Variants in KIF15 observed in about 807,000 individuals in gnomAD.
KIF15 encodes the protein kinesin family member 15.
A neutral mutation model predicts 190.6 loss-of-function variants in KIF15; 140 were observed. That is an observed-to-expected ratio of 0.73 (90% CI 0.64 to 0.84). The LOEUF is 0.84. KIF15 is among the 40% of genes least tolerant of loss of function. The pLI is 0.00. For synonymous variants in KIF15, 528 were observed against 551.3 expected, an observed-to-expected ratio of 0.96 and a Z score of 0.59; for missense variants, 1,372 against 1,584.4, an observed-to-expected ratio of 0.87 and a Z score of 2.28.
chr3:44,839,918 A>G (rs1017586450), intron 27 of KIF15, among the ~76,000 whole-genome samples: 1 of 152,140 alleles, frequency 6.6e-6, no homozygotes, highest in African/African-American at 2.4e-5. Flanking sequence ...TTCTTTACCC[A>G]TTCTCCCATC....
intron 7 of KIF15, among the ~76,000 whole-genome samples, chr3:44,792,730 C>T (rs749912178): frequency 3.3e-5 from 5 of 151,682 alleles, no homozygotes; most frequent in Admixed American, 1.3e-4. Context: ...ATATTTTTAG[C>T]GGAGACGGGG....
chr3:44,829,709 A>G (rs941946146), intron 24 of KIF15, among the ~76,000 whole-genome samples: 1 of 135,644 alleles, frequency 7.4e-6, no homozygotes, highest in Non-Finnish European at 1.5e-5. Flanking sequence ...TATATTATAG[A>G]TGTATATATA....
In KIF15 at chr3:44,828,268, A is replaced by G. The variant is rs371462063; in HGVS notation, c.2911A>G (p.Ser971Gly). ...CTTGCTTGCTACTGAAAAAGTGATC[A>G]GTTCCCTGGAAAAGTCTAGAGATTC... is the stretch of plus-strand genomic sequence containing the variant. Reference protein sequence around the residue: ...ESLLATEKVISSLEKSRDSDK... With the variant: ...ESLLATEKVIGSLEKSRDSDK... Residue 971 changes from serine (S) to glycine (G), a missense_variant, in exon 24 of 35, where the codon AGT (serine) becomes GGT (glycine). Physicochemically the swap from Ser to Gly is moderately conservative, Grantham distance 56. Transcript: ENST00000326047. 6.2e-7 allele frequency: 1 copy of G among 1,613,544 alleles called. No individual in the cohort carries two copies.
At chr3:44,762,270 G>C (rs1575563689) in intron 1 of KIF15, among the ~76,000 whole-genome samples, 1 of 152,254 alleles carries the variant, frequency 6.6e-6, no homozygotes, top group East Asian at 1.9e-4. Context: ...CAGCTTCTGC[G>C]TATTTCTACA....
chr3:44,856,048 T>A (rs1264402486), downstream of KIF15, among the ~76,000 whole-genome samples: 1 of 152,138 alleles, frequency 6.6e-6, no homozygotes, highest in Non-Finnish European at 1.5e-5. Flanking sequence ...CCTGAGAAAC[T>A]GCTTGGGTGA....
rs913154076 is a variant in KIF15, at chr3:44,805,044, C to G, written c.1705C>G (p.Pro569Ala). 4 of 1,610,928 alleles carry G rather than the reference C, an allele frequency of 2.5e-6. No individual in the cohort carries two copies. The highest frequency in any genetic ancestry group is 3.4e-6 in the Non-Finnish European group (4 of 1,179,140). Reference sequence around the variant, plus strand: ...ATTAACAGATCAGCAAGGATTTTCACCTAAAGCTCAGAAAGAGCCATGTTT... The same window carrying G: ...ATTAACAGATCAGCAAGGATTTTCAGCTAAAGCTCAGAAAGAGCCATGTTT... ...KSDKNQQGFS[P>A]KAQKEPCLFA... Residue 569 changes from proline (P) to alanine (A), a missense_variant, in exon 15 of 35, where the codon CCT becomes GCT. Physicochemically the swap from Pro to Ala is conservative, Grantham distance 27 (BLOSUM62 -1). Transcript: ENST00000326047.
At chr3:44,851,554 G>A (rs114912681) in intron 32 of KIF15, among the ~76,000 whole-genome samples, 2,826 of 152,214 alleles carry the variant, frequency 0.019, 75 homozygotes, top group African/African-American at 0.063. Context: ...TTTTTGTTTA[G>A]AAAATGTTTT....
intron 31 of KIF15, 132 bp from the exon 32 acceptor site, chr3:44,848,389 C>A: frequency 1.7e-6 from 1 of 581,574 alleles, no homozygotes. Flanking sequence ...GTAGCTGGCA[C>A]TGTGGAAAAG....
intron 6 of KIF15, among the ~76,000 whole-genome samples, chr3:44,864,522 A>G (rs1274048491): frequency 6.6e-6 from 1 of 152,062 alleles, no homozygotes; most frequent in African/African-American, 2.4e-5. Flanking sequence ...CTAATCATGG[A>G]AGAATTCTTA....
intron 22 of KIF15, among the ~76,000 whole-genome samples, chr3:44,826,782 T>C (rs913287467): frequency 2.6e-5 from 4 of 152,274 alleles, no homozygotes; most frequent in East Asian, 1.9e-4. Context: ...AGGAGACAGA[T>C]TTTTATTTCT....
In KIF15 at chr3:44,841,141, T is replaced by C. The variant is rs763504194; in HGVS notation, c.3488T>C (p.Ile1163Thr). 6 of 1,613,346 alleles carry C rather than the reference T, an allele frequency of 3.7e-6. No individual in the cohort carries two copies. Among genetic ancestry groups the C allele is most frequent in the South Asian group, 3.3e-5 (3 of 91,062 alleles). ...CTCCTGGAAACACAAGAACAAGAGA[T>C]AGAAGATGGAAGAGCCTCTAAGACT... ...AKLLETQEQE[I>T]EDGRASKTSL... Residue 1163 changes from isoleucine (I) to threonine (T), a missense_variant, in exon 29 of 35, where the codon ATA becomes ACA. By Grantham distance (89) the Ile-to-Thr change is moderately conservative. Coordinates refer to ENST00000326047, the MANE Select transcript of KIF15 (RefSeq NM_020242.3).
rs948518476 is a variant in KIF15, at chr3:44,861,448, C to T, written c.*59+8654C>T. The stretch of plus-strand genomic sequence containing the variant: ...CCCCATATGGGGCTCTGGCGTCTTT[C>T]TGGGTCTGGAGGTCCCCAGCGCCCT... On this transcript the variant is annotated intron_variant and NMD_transcript_variant, in intron 6 of 6. Transcript: ENST00000422209. Among the ~76,000 whole-genome samples, 9 of 152,232 alleles carry T rather than the reference C, an allele frequency of 5.9e-5. 1 individual carries two copies. The highest frequency in any genetic ancestry group is 5.2e-4 in the Admixed American group (8 of 15,288).
Position 44,766,912 on chromosome 3 carries a change from G to A in KIF15, c.19+5028G>A, listed in dbSNP as rs572713206. On this transcript the variant is annotated intron_variant, in intron 1 of 34. Coordinates refer to ENST00000326047, the MANE Select transcript of KIF15 (RefSeq NM_020242.3). The stretch of plus-strand genomic sequence containing the variant: ...TGCAAGCTCCGCCTCCTGGGTTCAC[G>A]CCATTCTCCTGCCTCAGCCTCCTGG... 1.0e-3 allele frequency among the ~76,000 whole-genome samples: 148 copies of A among 145,014 alleles called. 1 individual carries two copies. The highest frequency in any genetic ancestry group is 3.8e-3 in the African/African-American group (145 of 38,348).
intron 17 of KIF15, among the ~76,000 whole-genome samples, chr3:44,811,806 C>A (rs932961233): frequency 6.6e-5 from 10 of 152,096 alleles, no homozygotes; most frequent in Admixed American, 4.6e-4. Flanking sequence ...GTGGGCCAGA[C>A]CACCCCAAAC....
At chr3:44,821,110 C>G (rs1175603560) in intron 20 of KIF15, among the ~76,000 whole-genome samples, 2 of 141,436 alleles carry the variant, frequency 1.4e-5, no homozygotes, top group African/African-American at 5.5e-5. Flanking sequence ...CCGGACCGGG[C>G]GGCTGGCCGG....
intron 6 of KIF15, chr3:44,865,408 C>T (rs936702293): frequency 7.3e-6 from 4 of 546,534 alleles, no homozygotes; most frequent in Non-Finnish European, 1.3e-5. Context: ...TGGATTCTTC[C>T]TCCCAGGCCT....
rs1705827912 is a variant in KIF15, at chr3:44,775,384, C to A, written c.193C>A (p.Pro65Thr). 18 of 1,614,058 alleles carry A rather than the reference C, an allele frequency of 1.1e-5. No homozygotes were observed. The highest frequency in any genetic ancestry group is 1.4e-5 in the Non-Finnish European group (17 of 1,179,964). ...SSTSLRLHSN[P>T]EPKTFTFDHV... ...CACGAGTCTCCGGCTGCACTCCAAC[C>A]CTGAGCCCAAGACCTTCACGTTTGA... The change falls in exon 3 of 35, where the codon CCT becomes ACT. Residue 65 changes from proline (P) to threonine (T), a missense_variant. Coordinates refer to ENST00000326047, the MANE Select transcript of KIF15 (RefSeq NM_020242.3).
chr3:44,860,641 G>A (rs1699231242), intron 6 of KIF15, among the ~76,000 whole-genome samples: 1 of 152,032 alleles, frequency 6.6e-6, no homozygotes, highest in Non-Finnish European at 1.5e-5. Flanking sequence ...CAAAGTGCTG[G>A]GATTACAGGC....
intron 1 of KIF15, among the ~76,000 whole-genome samples, chr3:44,764,396 A>G (rs762396439): frequency 1.8e-4 from 27 of 152,150 alleles, no homozygotes; most frequent in Non-Finnish European, 3.1e-4. Context: ...ACTGAACATT[A>G]TGTCTGTGAT....
Sources: gnomAD v4.1 joint callset for allele counts (sites outside exome capture counted in the v4.1 genomes callset) on GRCh38, gnomAD v4.1.1 for gene constraint, MANE v1.5 for transcripts, NCBI Gene and HGNC (gene_info 2026-07-23, HGNC 2026-07-21) for gene names.